The following FBXW7 variants were observed in gnomAD, a reference collection of about 807,000 sequenced individuals.
The protein encoded by FBXW7 is F-box/WD repeat-containing protein 7.
Under a neutral mutation model 86.3 loss-of-function variants are expected in FBXW7, and 11 were observed. The ratio of observed to expected loss-of-function variants is 0.13; its 90% confidence interval spans 0.08 to 0.21. The LOEUF (loss-of-function observed/expected upper bound fraction) is 0.21, where lower values mean the gene tolerates loss of function less well. Ranked by LOEUF, FBXW7 falls within the 10% of genes least tolerant of loss-of-function variation. FBXW7 has a pLI of 1.00. For synonymous variants in FBXW7, 313 were observed against 297.9 expected, an observed-to-expected ratio of 1.05 and a Z score of -0.52; for missense variants, 488 against 847.4, an observed-to-expected ratio of 0.58 and a Z score of 5.27.
At chr4:152,477,561 C>T (rs1215580176) in intron 2 of FBXW7, among the ~76,000 whole-genome samples, 1 of 152,064 alleles carries the variant, frequency 6.6e-6, no homozygotes, top group Non-Finnish European at 1.5e-5. Flanking sequence ...CAAAAAAACC[C>T]ATAAATACTC....
intron 2 of FBXW7, among the ~76,000 whole-genome samples, chr4:152,483,751 G>C (rs1458950416): frequency 6.6e-6 from 1 of 151,912 alleles, no homozygotes; most frequent in Non-Finnish European, 1.5e-5. Flanking sequence ...GTGTGTGTGT[G>C]TGCACACACA....
chr4:152,528,297 A>G (rs535487414), intron 2 of FBXW7, among the ~76,000 whole-genome samples: 4 of 152,378 alleles, frequency 2.6e-5, no homozygotes, highest in African/African-American at 9.6e-5. Context: ...GAAACTGCAC[A>G]GTATCTGACT....
intron 2 of FBXW7, among the ~76,000 whole-genome samples, chr4:152,474,586 A>G (rs1322636119): frequency 6.6e-6 from 1 of 152,248 alleles, no homozygotes; most frequent in Non-Finnish European, 1.5e-5. Context: ...AAATCAAACT[A>G]GTACAAATCA....
intron 4 of FBXW7, among the ~76,000 whole-genome samples, chr4:152,368,509 G>A (rs189480916): frequency 1.2e-4 from 19 of 152,128 alleles, no homozygotes; most frequent in Admixed American, 1.1e-3. Context: ...AATTTTCTAA[G>A]TACTTTTGTT....
chr4:152,400,892 C>T (rs991362304), intron 4 of FBXW7, among the ~76,000 whole-genome samples: 2 of 152,300 alleles, frequency 1.3e-5, no homozygotes, highest in Admixed American at 6.5e-5. Context: ...AAGATCTGGA[C>T]AGACACCTCA....
intron 8 of FBXW7, among the ~76,000 whole-genome samples, chr4:152,331,196 G>A (rs935774237): frequency 6.6e-6 from 1 of 151,972 alleles, no homozygotes; most frequent in African/African-American, 2.4e-5. Flanking sequence ...AACAAACACA[G>A]AATTAACATA....
At chr4:152,420,383 G>A (rs1004519842) in intron 2 of FBXW7, among the ~76,000 whole-genome samples, 11 of 151,982 alleles carry the variant, frequency 7.2e-5, no homozygotes, top group Admixed American at 2.6e-4. Context: ...GTTGCCCATG[G>A]GGGTAGAATC....
rs757047739 is a variant in FBXW7, at chr4:152,322,913, G to A, written c.2092C>T (p.Leu698=). The stretch of plus-strand genomic sequence containing the variant: ...ATGTCCACATCAAAGTCCAGCACCA[G>A]CAGCTTGGTTTCTTCAGTCCCATTC... The part of the protein sequence containing the change: ...SRNGTEETKL[L]VLDFDVDMK The change falls in exon 14 of 14, where the codon CTG becomes TTG. Residue 698 remains leucine, a synonymous_variant. Coordinates refer to ENST00000281708, the MANE Select transcript of FBXW7 (RefSeq NM_001349798.2). 1.2e-6 allele frequency: 2 copies of A among 1,613,568 alleles called. No individual in the cohort carries two copies. Among genetic ancestry groups the A allele is most frequent in the African/African-American group, 2.7e-5 (2 of 74,926 alleles).
intron 2 of FBXW7, among the ~76,000 whole-genome samples, chr4:152,519,861 A>C (rs1748843929): frequency 6.6e-6 from 1 of 152,212 alleles, no homozygotes; most frequent in Admixed American, 6.5e-5. Context: ...CTAGATTTGA[A>C]TCCCAGTTCT....
intron 7 of FBXW7, among the ~76,000 whole-genome samples, chr4:152,333,088 G>A (rs181138157): frequency 1.3e-5 from 2 of 152,124 alleles, no homozygotes; most frequent in Non-Finnish European, 2.9e-5. Flanking sequence ...CTGAAGATAG[G>A]ACCTAAATGC....
chr4:152,326,994 C>T (rs1458857235), intron 11 of FBXW7, among the ~76,000 whole-genome samples: 1 of 151,946 alleles, frequency 6.6e-6, no homozygotes, highest in Admixed American at 6.6e-5. Flanking sequence ...TCAACATCAG[C>T]GCTATACTCT....
intron 5 of FBXW7, 90 bp from the exon 6 acceptor site, chr4:152,347,161 T>C (rs1731356029): frequency 2.8e-6 from 3 of 1,071,854 alleles, no homozygotes; most frequent in Non-Finnish European, 4.0e-6. Context: ...TAATAGATTC[T>C]AGTACAAAGA....
intron 2 of FBXW7, among the ~76,000 whole-genome samples, chr4:152,484,365 T>C (rs747879751): frequency 8.5e-5 from 13 of 152,168 alleles, no homozygotes; most frequent in Non-Finnish European, 1.8e-4. Context: ...AGATTATAGA[T>C]AAAGCAAGAA....
chr4:152,507,991 C>T (rs1343597529), intron 2 of FBXW7, among the ~76,000 whole-genome samples: 1 of 151,810 alleles, frequency 6.6e-6, no homozygotes, highest in Non-Finnish European at 1.5e-5. Context: ...TCACTTGAGC[C>T]CAGGAAATCC....
intron 2 of FBXW7, among the ~76,000 whole-genome samples, chr4:152,484,078 T>C (rs187240884): frequency 3.9e-5 from 6 of 152,296 alleles, no homozygotes; most frequent in Non-Finnish European, 8.8e-5. Flanking sequence ...ATTTGGTTTT[T>C]CATTCTGAAA....
chr4:152,481,743 T>C (rs1336700679), intron 2 of FBXW7, among the ~76,000 whole-genome samples: 1 of 152,184 alleles, frequency 6.6e-6, no homozygotes, highest in Non-Finnish European at 1.5e-5. Flanking sequence ...GCAGATGTGA[T>C]AGAAATAGCA....
At chr4:152,481,541 G>A (rs1168983276) in intron 2 of FBXW7, among the ~76,000 whole-genome samples, 1 of 152,184 alleles carries the variant, frequency 6.6e-6, no homozygotes, top group Non-Finnish European at 1.5e-5. Flanking sequence ...TCATAGATAG[G>A]AATTCCTCTG....
At chr4:152,489,297 A>G (rs1281695172) in intron 2 of FBXW7, 1 of 154,584 alleles carries the variant, frequency 6.5e-6, no homozygotes, top group Non-Finnish European at 1.5e-5. Context: ...GAAGTAGTGT[A>G]TGGTGCTCAG....
At chr4:152,501,273 T>C (rs1050428780) in intron 2 of FBXW7, among the ~76,000 whole-genome samples, 3 of 152,182 alleles carry the variant, frequency 2.0e-5, no homozygotes, top group African/African-American at 7.2e-5. Context: ...ATAGGCAAAT[T>C]CTCTCAAGAC....
Sources: allele counts gnomAD v4.1 joint callset (sites outside exome capture counted in the v4.1 genomes callset), GRCh38; gene constraint gnomAD v4.1.1; transcripts MANE v1.5; gene names NCBI Gene and HGNC (gene_info 2026-07-23, HGNC 2026-07-21).